The following KANSL1L variants were observed in gnomAD, a reference collection of about 807,000 sequenced individuals.
The protein encoded by KANSL1L is KAT8 regulatory NSL complex subunit 1-like protein.
A neutral mutation model predicts 108.6 loss-of-function variants in KANSL1L; 25 were observed. The ratio of observed to expected loss-of-function variants is 0.23; its 90% confidence interval spans 0.17 to 0.32. The LOEUF is 0.32. Ranked by LOEUF, KANSL1L falls within the 10% of genes least tolerant of loss-of-function variation. KANSL1L has a pLI of 1.00. For synonymous variants in KANSL1L, 405 were observed against 395.1 expected, an observed-to-expected ratio of 1.03 and a Z score of -0.30; for missense variants, 1,137 against 1,125.7, an observed-to-expected ratio of 1.01 and a Z score of -0.14.
intron 3 of KANSL1L, among the ~76,000 whole-genome samples, chr2:210,123,821 G>A (rs2110313): frequency 1 from 151,649 of 151,848 alleles, 75,725 homozygotes; most frequent in Non-Finnish European, 1. Context: ...ACCCACAAAA[G>A]TATTTTTTAA....
intron 6 of KANSL1L, among the ~76,000 whole-genome samples, chr2:210,046,173 A>G (rs1362881075): frequency 6.6e-6 from 1 of 152,190 alleles, no homozygotes; most frequent in Non-Finnish European, 1.5e-5. Flanking sequence ...GGCCCTATCC[A>G]AATAACATCA....
At chr2:210,078,117 A>G (rs2094555379) in intron 5 of KANSL1L, among the ~76,000 whole-genome samples, 1 of 152,228 alleles carries the variant, frequency 6.6e-6, no homozygotes, top group Non-Finnish European at 1.5e-5. Context: ...ACATGTTACC[A>G]TACTGAATGC....
At chr2:210,079,642 A>ATATATGTATGTG (rs2094569392) in intron 5 of KANSL1L, among the ~76,000 whole-genome samples, 7 of 6,484 alleles carry the variant, frequency 1.1e-3, no homozygotes, top group Non-Finnish European at 4.1e-3. Flanking sequence ...ATATATATAT[A>ATATATGTATGTG]TATATATATA....
chr2:210,102,635 C>G (rs895614453), intron 4 of KANSL1L, among the ~76,000 whole-genome samples: 2 of 152,160 alleles, frequency 1.3e-5, no homozygotes, highest in Admixed American at 6.5e-5. Flanking sequence ...AAACAAACAA[C>G]CCCATCAACA....
chr2:210,054,459 G>A (rs937945932), intron 6 of KANSL1L, among the ~76,000 whole-genome samples: 1 of 152,056 alleles, frequency 6.6e-6, no homozygotes, highest in Non-Finnish European at 1.5e-5. Flanking sequence ...CATTGCTGGT[G>A]GGAATGTAAT....
chr2:210,091,440 C>G (rs139542559), intron 5 of KANSL1L, among the ~76,000 whole-genome samples: 361 of 152,210 alleles, frequency 2.4e-3, no homozygotes, highest in African/African-American at 8.2e-3. Context: ...GCATTTATCT[C>G]ATGTTTAGCT....
chr2:210,113,485 T>A (rs764568072), intron 3 of KANSL1L, among the ~76,000 whole-genome samples: 14 of 151,822 alleles, frequency 9.2e-5, no homozygotes, highest in Non-Finnish European at 1.9e-4. Context: ...ATTTCCATTA[T>A]TAGAGTCAAA....
intron 2 of KANSL1L, among the ~76,000 whole-genome samples, chr2:210,147,325 G>C (rs1218609419): frequency 6.6e-6 from 1 of 152,150 alleles, no homozygotes; most frequent in East Asian, 1.9e-4. Context: ...AGCCAAACAT[G>C]ATGGCACATA....
chr2:210,145,689 AAGATGTC>A (rs139256775), intron 2 of KANSL1L, among the ~76,000 whole-genome samples: 1,640 of 152,276 alleles, frequency 0.011, 23 homozygotes, highest in African/African-American at 0.035. Context: ...GTATATTGTG[AAGATGTC>A]AGATGTCAGA....
intron 12 of KANSL1L, 56 bp downstream of exon 12, chr2:210,027,240 A>G: frequency 8.8e-7 from 1 of 1,131,172 alleles, no homozygotes; most frequent in Non-Finnish European, 1.3e-6. Flanking sequence ...TGTCAAAGTA[A>G]GCAGGTTTCA....
chr2:210,029,831 A>C lies in KANSL1L; in HGVS notation c.2243T>G (p.Val748Gly). Residue 748 changes from valine (V) to glycine (G), a missense_variant, in exon 10 of 15, where the codon GTT becomes GGT. Val to Gly is a moderately radical substitution (Grantham distance 109, BLOSUM62 -3). Around this residue, in one of 3 missense-constraint regions of KANSL1L, gnomAD observed 575 missense variants for 567.1 expected, o/e 1.01. Transcript: ENST00000281772. ...TGATGAATTCTGGATTCTTGATAAAACGTTGACATTGGAAACAGCAGTAAA... is the reference window on the plus strand; with the variant it reads ...TGATGAATTCTGGATTCTTGATAAACCGTTGACATTGGAAACAGCAGTAAA... ...SNFTAVSNVN[V>G]LSRIQNSSRN... The C allele has an allele frequency of 6.3e-7, 1 of 1,599,292 alleles. No individual in the cohort carries two copies.
chr2:210,039,049 A>G (rs924680922), intron 8 of KANSL1L, among the ~76,000 whole-genome samples: 2 of 151,826 alleles, frequency 1.3e-5, no homozygotes, highest in African/African-American at 4.8e-5. Context: ...AGCTCCCTTG[A>G]TCTGCCTTCT....
At chr2:210,155,652 C>A (rs547242222) in intron 1 of KANSL1L, among the ~76,000 whole-genome samples, 1 of 152,248 alleles carries the variant, frequency 6.6e-6, no homozygotes, top group South Asian at 2.1e-4. Flanking sequence ...AATTTCATTG[C>A]ATATTATCAA....
intron 4 of KANSL1L, among the ~76,000 whole-genome samples, chr2:210,101,330 G>T (rs555805368): frequency 2.0e-5 from 3 of 152,252 alleles, no homozygotes; most frequent in South Asian, 2.1e-4. Flanking sequence ...TTTACACTAG[G>T]ATCTGCAAAT....
intron 6 of KANSL1L, among the ~76,000 whole-genome samples, chr2:210,068,777 T>C (rs2094485664): frequency 6.6e-6 from 1 of 152,168 alleles, no homozygotes; most frequent in African/African-American, 2.4e-5. Context: ...TTTGTGGGAT[T>C]CTCACATATG....
At chr2:210,133,906 C>T (rs2095150192) in intron 2 of KANSL1L, among the ~76,000 whole-genome samples, 1 of 151,932 alleles carries the variant, frequency 6.6e-6, no homozygotes, top group Non-Finnish European at 1.5e-5. Context: ...CTGTTTTTAC[C>T]CAGTATGATT....
At chr2:210,081,115 A>AAAAC (rs764255323) in intron 5 of KANSL1L, among the ~76,000 whole-genome samples, 1 of 152,048 alleles carries the variant, frequency 6.6e-6, no homozygotes, top group African/African-American at 2.4e-5. Context: ...TCAGAAAAAC[A>AAAAC]AAACAAACAA....
At chr2:210,024,959 C>G in intron 13 of KANSL1L, 145 bp downstream of exon 13, 1 of 590,692 alleles carries the variant, frequency 1.7e-6, no homozygotes, top group Non-Finnish European at 3.1e-6. Context: ...CAAGCTCATT[C>G]TATGTAGTAT....
intron 3 of KANSL1L, among the ~76,000 whole-genome samples, chr2:210,114,802 T>C (rs2094939087): frequency 6.6e-6 from 1 of 151,108 alleles, no homozygotes; most frequent in Admixed American, 6.6e-5. Flanking sequence ...CCAAAAGGGG[T>C]GGGAACAAAG....
Sources: allele counts gnomAD v4.1 joint callset (sites outside exome capture counted in the v4.1 genomes callset), GRCh38; gene constraint gnomAD v4.1.1; regional missense constraint gnomAD v4.1.1; transcripts MANE v1.5; gene names NCBI Gene and HGNC (gene_info 2026-07-23, HGNC 2026-07-21).